Variants in NTRK3 observed in about 807,000 individuals in gnomAD.
NTRK3 encodes the protein neurotrophic receptor tyrosine kinase 3, also known as NT-3 growth factor receptor.
In NTRK3, 24 loss-of-function variants were observed where a neutral mutation model predicts 91.7. The ratio of observed to expected loss-of-function variants is 0.26; its 90% CI spans 0.19 to 0.37. The LOEUF is 0.37. Ranked by LOEUF, NTRK3 falls within the 10% of genes least tolerant of loss-of-function variation. The pLI, the probability that NTRK3 is intolerant of heterozygous loss-of-function variation, is 1.00. For missense variants in NTRK3, 880 were observed against 1,068.9 expected (o/e 0.82, Z 2.46); for synonymous variants, 483 against 404.0 (o/e 1.20, Z -2.34).
chr15:88,212,760 A>ACACACAC (rs2049373897), intron 3 of NTRK3, among the ~76,000 whole-genome samples: 3 of 92,524 alleles, frequency 3.2e-5, no homozygotes, highest in African/African-American at 1.2e-4. Flanking sequence ...ACACACACAC[A>ACACACAC]TCCCAGGCCC....
chr15:88,136,547 T>C, exon 8 of NTRK3: 1 of 1,614,000 alleles, frequency 6.2e-7, no homozygotes. Context: ...TTGCAAGTGA[T>C]AACAGCGTTG....
chr15:87,890,952 G>GA (rs1479846560), intron 17 of NTRK3, among the ~76,000 whole-genome samples: 1 of 152,046 alleles, frequency 6.6e-6, no homozygotes, highest in African/African-American at 2.4e-5. Flanking sequence ...TTTCTTAAGA[G>GA]AAAAAATATC....
chr15:88,122,372 A>G (rs1184999627), intron 13 of NTRK3, among the ~76,000 whole-genome samples: 1 of 152,108 alleles, frequency 6.6e-6, no homozygotes, highest in Non-Finnish European at 1.5e-5. Flanking sequence ...CCATGAGGGG[A>G]GAGACAGCTG....
At chr15:87,953,766 C>A (rs12101812) in intron 14 of NTRK3, among the ~76,000 whole-genome samples, 1 of 151,946 alleles carries the variant, frequency 6.6e-6, no homozygotes, top group African/African-American at 2.4e-5. Flanking sequence ...ATCAGCCTGG[C>A]GGACATTTCC....
intron 17 of NTRK3, chr15:87,927,052 A>G (rs1224278337): frequency 2.0e-5 from 3 of 152,242 alleles, no homozygotes; most frequent in Admixed American, 6.5e-5. Context: ...TGGTCTAGAC[A>G]CTAAAGAAAG....
At chr15:88,158,669 A>T (rs977434165) in intron 5 of NTRK3, among the ~76,000 whole-genome samples, 1 of 152,212 alleles carries the variant, frequency 6.6e-6, no homozygotes, top group Non-Finnish European at 1.5e-5. Flanking sequence ...TTCTTTTCAG[A>T]TAAATTAACC....
intron 13 of NTRK3, among the ~76,000 whole-genome samples, chr15:88,074,389 A>G (rs1282914927): frequency 6.6e-6 from 1 of 152,216 alleles, no homozygotes; most frequent in Non-Finnish European, 1.5e-5. Flanking sequence ...TCTTCTGAGA[A>G]GCTGGTTTTT....
intron 13 of NTRK3, among the ~76,000 whole-genome samples, chr15:88,041,008 G>T (rs1339464394): frequency 1.3e-5 from 2 of 152,186 alleles, no homozygotes; most frequent in African/African-American, 4.8e-5. Context: ...TGACTCCAAA[G>T]TTCTGCGTCT....
chr15:87,936,516 A>G (rs1482937709), intron 15 of NTRK3, among the ~76,000 whole-genome samples: 1 of 148,736 alleles, frequency 6.7e-6, no homozygotes, highest in Non-Finnish European at 1.5e-5. Context: ...TGTCATCCAA[A>G]CCCTGCTGCC....
chr15:88,240,198 C>T lies in NTRK3; in HGVS notation c.248+15708G>A, dbSNP rs1283292644. The stretch of plus-strand genomic sequence containing the variant: ...GGCTCCCCTACTTTCCCATCCCGTC[C>T]CCAGCCACCGCCATAGAAACATCAC... On this transcript the variant is annotated intron_variant, in intron 3 of 18. Transcript: ENST00000394480. This position sits in a 1 kb window ranked among gnomAD's most constrained non-coding sequence, Gnocchi z 4.9. 6.6e-6 allele frequency among the ~76,000 whole-genome samples: 1 copy of T among 151,810 alleles called. No individual in the cohort carries two copies. The highest frequency in any genetic ancestry group is 2.4e-5 in the African/African-American group (1 of 41,292).
At chr15:87,908,600 G>C (rs1203090600) in intron 17 of NTRK3, 2 of 399,472 alleles carry the variant, frequency 5.0e-6, no homozygotes, top group East Asian at 3.6e-5. Context: ...GGAAGGGGGA[G>C]AGAGAAGAAA....
intron 13 of NTRK3, among the ~76,000 whole-genome samples, chr15:88,099,826 T>C (rs946395815): frequency 5.9e-5 from 9 of 152,126 alleles, no homozygotes; most frequent in African/African-American, 2.2e-4. Flanking sequence ...AATTGAACGC[T>C]ATGGTGGGGC....
At chr15:88,165,007 T>C (rs74917367) in intron 5 of NTRK3, among the ~76,000 whole-genome samples, 2,726 of 152,302 alleles carry the variant, frequency 0.018, 66 homozygotes, top group African/African-American at 0.061. Context: ...ATTGAGTATA[T>C]GGACCCTAGA....
chr15:87,891,290 T>C (rs2065848645), intron 17 of NTRK3, among the ~76,000 whole-genome samples: 1 of 152,220 alleles, frequency 6.6e-6, no homozygotes, highest in African/African-American at 2.4e-5. Flanking sequence ...CTCCTTTCTG[T>C]GTGGTGAAGC....
chr15:87,998,144 C>T (rs1014878833), intron 14 of NTRK3, among the ~76,000 whole-genome samples: 2 of 152,108 alleles, frequency 1.3e-5, no homozygotes, highest in Non-Finnish European at 2.9e-5. Context: ...CATCCTCCAC[C>T]CCATTGTGAT....
intron 17 of NTRK3, chr15:87,928,421 T>C (rs1310780044): frequency 1.3e-5 from 2 of 152,064 alleles, no homozygotes; most frequent in Non-Finnish European, 2.9e-5. Flanking sequence ...ATAATAACAC[T>C]ATCAGAATCA....
chr15:88,038,315 T>G (rs2079257702), intron 13 of NTRK3, among the ~76,000 whole-genome samples: 1 of 152,198 alleles, frequency 6.6e-6, no homozygotes, highest in Non-Finnish European at 1.5e-5. Flanking sequence ...CCCAAGGCCC[T>G]CTTACTCACC....
At chr15:87,882,306 C>T (rs1236173883) in intron 17 of NTRK3, among the ~76,000 whole-genome samples, 3 of 152,174 alleles carry the variant, frequency 2.0e-5, no homozygotes, top group South Asian at 2.1e-4. Context: ...AAGCTTACCA[C>T]TCACATCCTT....
chr15:87,998,418 G>A (rs2075860424), intron 14 of NTRK3, among the ~76,000 whole-genome samples: 1 of 152,242 alleles, frequency 6.6e-6, no homozygotes, highest in Non-Finnish European at 1.5e-5. Flanking sequence ...CATGGCCAAG[G>A]ACATGGTGGC....
Sources: allele counts gnomAD v4.1 joint callset (sites outside exome capture counted in the v4.1 genomes callset), GRCh38; gene constraint gnomAD v4.1.1; non-coding constraint Gnocchi (gnomAD v3.1); transcripts MANE v1.5; gene names NCBI Gene and HGNC (gene_info 2026-07-23, HGNC 2026-07-21).